Variants in PBX3 observed in about 807,000 individuals in gnomAD.
PBX3 encodes the protein PBX homeobox 3.
Under a neutral mutation model 48.5 loss-of-function variants are expected in PBX3, and 14 were observed. The ratio of observed to expected loss-of-function variants is 0.29; its 90% CI spans 0.19 to 0.45. The LOEUF (loss-of-function observed/expected upper bound fraction) is 0.45. Among genes scored for constraint, PBX3 ranks in the 20% least tolerant of loss-of-function variants. The pLI, the probability that PBX3 is intolerant of heterozygous loss-of-function variation, is 1.00. For missense variants in PBX3, 386 were observed against 546.7 expected (o/e 0.71, Z 2.93); for synonymous variants, 210 against 200.3 (o/e 1.05, Z -0.41).
At chr9:125,841,237 C>G (rs561605336) in intron 2 of PBX3, among the ~76,000 whole-genome samples, 1 of 152,166 alleles carries the variant, frequency 6.6e-6, no homozygotes, top group Non-Finnish European at 1.5e-5. Flanking sequence ...CCTAAAAAGC[C>G]TTAGATCTTA....
rs1043476874 is a variant in PBX3, at chr9:125,761,771, G to C, written c.274+13148G>C. ...TTAAATTTCCATCACATTTTTAACT[G>C]TCCCAGTATTGATCACCCTATAGAG... is the stretch of plus-strand genomic sequence containing the variant. On this transcript the variant is annotated intron_variant, in intron 2 of 8. Transcript: ENST00000373489. Among the ~76,000 whole-genome samples the C allele has an allele frequency of 1.3e-4, 20 of 152,034 alleles. 1 individual carries two copies. The highest frequency in any genetic ancestry group is 2.8e-4 in the Non-Finnish European group (19 of 67,966).
chr9:125,783,454 A>ATTTTTGTAT (rs1021047540), intron 2 of PBX3, among the ~76,000 whole-genome samples: 4 of 151,758 alleles, frequency 2.6e-5, no homozygotes, highest in African/African-American at 9.7e-5. Flanking sequence ...TGCTTGGCTA[A>ATTTTTGTAT]TTTTTGTATT....
At chr9:125,777,996 C>G (rs1009081651) in intron 2 of PBX3, among the ~76,000 whole-genome samples, 1 of 140,930 alleles carries the variant, frequency 7.1e-6, no homozygotes, top group African/African-American at 2.7e-5. Context: ...AGTGTCACTT[C>G]GTTGCCCAGG....
At chr9:125,863,313 C>G (rs899093406) in intron 2 of PBX3, among the ~76,000 whole-genome samples, 39 of 151,892 alleles carry the variant, frequency 2.6e-4, no homozygotes, top group African/African-American at 9.4e-4. Flanking sequence ...AAGCGATTCT[C>G]CTGCTTCAGC....
chr9:125,780,013 G>A (rs1242453921), intron 2 of PBX3, among the ~76,000 whole-genome samples: 2 of 144,044 alleles, frequency 1.4e-5, no homozygotes, highest in Non-Finnish European at 3.1e-5. Flanking sequence ...AGGGGCAGCC[G>A]GGCAGAGGCG....
At chr9:125,901,507 G>A (rs933002602) in intron 2 of PBX3, among the ~76,000 whole-genome samples, 2 of 151,570 alleles carry the variant, frequency 1.3e-5, no homozygotes, top group Admixed American at 6.6e-5. Flanking sequence ...TCTGCTGAAC[G>A]GCTATATATG....
At chr9:125,888,163 T>C (rs1840544941) in intron 2 of PBX3, among the ~76,000 whole-genome samples, 1 of 152,188 alleles carries the variant, frequency 6.6e-6, no homozygotes, top group African/African-American at 2.4e-5. Context: ...GGGTTATTCA[T>C]TTTTAAGAGA....
intron 2 of PBX3, among the ~76,000 whole-genome samples, chr9:125,889,636 G>A (rs1713402293): frequency 6.6e-6 from 1 of 152,044 alleles, no homozygotes; most frequent in Non-Finnish European, 1.5e-5. Context: ...CTGTGTAAGT[G>A]TCGCACAAAA....
intron 5 of PBX3, among the ~76,000 whole-genome samples, chr9:125,953,011 G>T (rs942026105): frequency 6.6e-6 from 1 of 151,604 alleles, no homozygotes; most frequent in Non-Finnish European, 1.5e-5. Context: ...AAGACTCATG[G>T]TGTATGAAAA....
At chr9:125,836,200 C>T (rs921032479) in intron 2 of PBX3, among the ~76,000 whole-genome samples, 4 of 152,174 alleles carry the variant, frequency 2.6e-5, no homozygotes, top group African/African-American at 7.2e-5. Flanking sequence ...AATCCAAGCA[C>T]TTTGGGAGGC....
At chr9:125,747,703 C>T (rs368309572) in intron 1 of PBX3, 50 bp downstream of exon 1, 3 of 1,423,234 alleles carry the variant, frequency 2.1e-6, no homozygotes, top group African/African-American at 3.0e-5. Flanking sequence ...GGAGCCGGGC[C>T]CGCGGCCGAG....
At chr9:125,904,811 AG>A (rs1475696554) in intron 2 of PBX3, among the ~76,000 whole-genome samples, 1 of 151,852 alleles carries the variant, frequency 6.6e-6, no homozygotes, top group Non-Finnish European at 1.5e-5. Flanking sequence ...GAAGAGGAAG[AG>A]GGTGGATTTA....
rs963063383 is a variant in PBX3 at position 125,759,695 on chromosome 9, C to T, written c.274+11072C>T. Among the ~76,000 whole-genome samples the T allele has an allele frequency of 6.6e-5, 10 of 152,246 alleles. No homozygotes were observed. Among genetic ancestry groups the T allele is most frequent in the East Asian group, 1.9e-4 (1 of 5,184 alleles). On this transcript the variant is annotated intron_variant, in intron 2 of 8. Coordinates refer to ENST00000373489, the MANE Select transcript of PBX3 (RefSeq NM_006195.6). The surrounding 1 kb of genome is among the most constrained non-coding windows in gnomAD (Gnocchi z 4.2). ...CCGTAGCTAGGAGCAGTTTGTGGACCGCGTCTGTGAACGCGGCTCATAATT... is the reference window on the plus strand; with the variant it reads ...CCGTAGCTAGGAGCAGTTTGTGGACTGCGTCTGTGAACGCGGCTCATAATT...
intron 2 of PBX3, among the ~76,000 whole-genome samples, chr9:125,811,193 A>T (rs1369036874): frequency 2.0e-5 from 3 of 152,196 alleles, no homozygotes; most frequent in Non-Finnish European, 4.4e-5. Context: ...ATGTTTTATG[A>T]ATTATTGTTA....
intron 2 of PBX3, among the ~76,000 whole-genome samples, chr9:125,802,092 T>G (rs554688032): frequency 2.0e-5 from 3 of 152,244 alleles, no homozygotes; most frequent in African/African-American, 7.2e-5. Flanking sequence ...AAACTTATTT[T>G]TATTCCTAAT....
chr9:125,789,503 C>T (rs548476660), intron 2 of PBX3, among the ~76,000 whole-genome samples: 2 of 152,284 alleles, frequency 1.3e-5, no homozygotes, highest in African/African-American at 4.8e-5. Flanking sequence ...CTTGGGCCCC[C>T]CATTTTAGGG....
intron 2 of PBX3, among the ~76,000 whole-genome samples, chr9:125,789,040 C>G (rs568130405): frequency 4.7e-4 from 71 of 152,182 alleles, no homozygotes; most frequent in African/African-American, 1.7e-3. Context: ...TGTTATCTTT[C>G]TATGATTTGC....
intron 2 of PBX3, among the ~76,000 whole-genome samples, chr9:125,863,781 C>A (rs890472644): frequency 1.3e-5 from 2 of 152,138 alleles, no homozygotes; most frequent in African/African-American, 4.8e-5. Flanking sequence ...TTTCCCTGTT[C>A]TTAATACTTA....
chr9:125,943,493 T>C (rs972175487), intron 5 of PBX3, among the ~76,000 whole-genome samples: 1 of 151,902 alleles, frequency 6.6e-6, no homozygotes, highest in African/African-American at 2.4e-5. Context: ...CCTCCATTTT[T>C]GTCCCCTTTG....
Sources: gnomAD v4.1 joint callset for allele counts (sites outside exome capture counted in the v4.1 genomes callset) on GRCh38, gnomAD v4.1.1 for gene constraint, Gnocchi (gnomAD v3.1) non-coding constraint, MANE v1.5 for transcripts, NCBI Gene and HGNC (gene_info 2026-07-23, HGNC 2026-07-21) for gene names.